JUP: variants seen among roughly 807,000 people sequenced by gnomAD.
JUP encodes the protein catenin (cadherin-associated protein), gamma 80kDa.
A neutral mutation model predicts 71.1 loss-of-function variants in JUP; 28 were observed. The observed-to-expected ratio is 0.39, with a 90% CI of 0.29 to 0.54. The LOEUF is 0.54. Among genes scored for constraint, JUP ranks in the 20% least tolerant of loss-of-function variants. The probability of loss-of-function intolerance (pLI) is 0.62; values close to 1 mark genes in which losing one functional copy is unlikely to be tolerated. For synonymous variants in JUP, 401 were observed against 438.9 expected (o/e 0.91, Z 1.08); for missense variants, 869 against 1,030.1 (o/e 0.84, Z 2.14).
At chr17:41,758,990 C>T (rs1455747978) in intron 8 of JUP, 120 bp from the exon 9 acceptor site, 1 of 1,023,634 alleles carries the variant, frequency 9.8e-7, no homozygotes, top group Non-Finnish European at 1.4e-6. Context: ...CAGACACAGA[C>T]ATACTGGAAA....
intron 1 of JUP, chr17:41,772,357 A>T (rs1275814771): frequency 7.8e-6 from 2 of 256,284 alleles, no homozygotes; most frequent in Non-Finnish European, 1.5e-5. Flanking sequence ...GGGGCAGGGA[A>T]GCGGTCTGAC....
intron 3 of JUP, 27 bp downstream of exon 3, chr17:41,769,391 C>T (rs1555605590): frequency 1.2e-6 from 2 of 1,600,922 alleles, no homozygotes; most frequent in Non-Finnish European, 1.7e-6. Context: ...CTGCCCAGCC[C>T]CCACCCTAGC....
intron 8 of JUP, among the ~76,000 whole-genome samples, chr17:41,761,342 G>A (rs1914776858): frequency 1.3e-5 from 2 of 152,190 alleles, no homozygotes; most frequent in African/African-American, 2.4e-5. Flanking sequence ...TCTGGGGTGT[G>A]AGCAGGAGTG....
chr17:41,754,902 A>C lies in JUP; in HGVS notation c.*842T>G, dbSNP rs1174509796. 1 of 159,522 alleles carries C rather than the reference A, an allele frequency of 6.3e-6. No individual in the cohort carries two copies. Among genetic ancestry groups the C allele is most frequent in the African/African-American group, 2.4e-5 (1 of 41,740 alleles). The allele number at this position is 159,522 out of a possible 1,614,324, so 9.9% of individuals were successfully genotyped here. On this transcript the variant is annotated 3_prime_UTR_variant, in exon 14 of 14. Coordinates refer to ENST00000393931, the MANE Select transcript of JUP (RefSeq NM_002230.4). Reference sequence around the variant, plus strand: ...GGGGAGTGAGGGGTGGGCAAAGCCAACTAAGCACCCTGGAGAGAGAAGCTG... The same window carrying C: ...GGGGAGTGAGGGGTGGGCAAAGCCACCTAAGCACCCTGGAGAGAGAAGCTG...
At chr17:41,758,034 G>C in intron 10 of JUP, 1 of 561,702 alleles carries the variant, frequency 1.8e-6, no homozygotes. Flanking sequence ...TGATGTGAAA[G>C]ATGTTAGACT....
intron 1 of JUP, among the ~76,000 whole-genome samples, chr17:41,783,673 C>A (rs142188526): frequency 3.5e-3 from 533 of 151,980 alleles, no homozygotes; most frequent in Middle Eastern, 0.01. Flanking sequence ...GTAATCCCAG[C>A]ACTTTGGGAG....
intron 2 of JUP, 38 bp downstream of exon 2, chr17:41,771,609 G>GTTTTC (rs1916657439): frequency 6.3e-7 from 1 of 1,596,612 alleles, no homozygotes; most frequent in Admixed American, 1.7e-5. Flanking sequence ...ACCCAGGCAG[G>GTTTTC]TTTTCTGCCC....
chr17:41,772,474 C>T (rs995099309), intron 1 of JUP, among the ~76,000 whole-genome samples: 1 of 152,152 alleles, frequency 6.6e-6, no homozygotes, highest in African/African-American at 2.4e-5. Context: ...CTAAGGCCCC[C>T]TCTCTCCCAG....
intron 1 of JUP, among the ~76,000 whole-genome samples, chr17:41,777,524 C>A (rs1448802532): frequency 6.6e-6 from 1 of 152,232 alleles, no homozygotes; most frequent in Admixed American, 6.5e-5. Flanking sequence ...AGCTCCAGGA[C>A]GGAACCTCCT....
At chr17:41,772,189 GC>G (rs1440163291) in intron 1 of JUP, 15 of 432,638 alleles carry the variant, frequency 3.5e-5, no homozygotes, top group Middle Eastern at 1.4e-3. Context: ...CCCTGCTCAC[GC>G]ACCTTGCTGC....
chr17:41,755,548 G>T lies in JUP; in HGVS notation c.*196C>A. Reference sequence around the variant, plus strand: ...CCCCCAGAAGGGGCCAGCAGGAATAGGCCTCCCCATCCCCACCAAAGACAC... The same window carrying T: ...CCCCCAGAAGGGGCCAGCAGGAATATGCCTCCCCATCCCCACCAAAGACAC... On this transcript the variant is annotated 3_prime_UTR_variant, in exon 14 of 14. Coordinates refer to ENST00000393931, the MANE Select transcript of JUP (RefSeq NM_002230.4). The T allele has an allele frequency of 2.0e-6, 1 of 510,938 alleles. No homozygotes were observed. The highest frequency in any genetic ancestry group is 3.3e-6 in the Non-Finnish European group (1 of 301,738). The allele number at this position is 510,938 out of a possible 1,614,324, so 31.7% of individuals were successfully genotyped here. A position where few individuals can be genotyped will look rare whatever the true frequency, so the allele number is the denominator to read the frequency against.
At chr17:41,784,418 C>A (rs888366787) in intron 1 of JUP, among the ~76,000 whole-genome samples, 1 of 152,114 alleles carries the variant, frequency 6.6e-6, no homozygotes, top group East Asian at 1.9e-4. Flanking sequence ...ATCCCCCAGT[C>A]CAGTCAGTGG....
At chr17:41,757,585 A>T in intron 11 of JUP, 49 bp from the exon 12 acceptor site, 2 of 1,614,158 alleles carry the variant, frequency 1.2e-6, no homozygotes, top group Non-Finnish European at 1.7e-6. Flanking sequence ...GCCAGCCTCC[A>T]TCGTGGCTGG....
intron 2 of JUP, 41 bp downstream of exon 2, chr17:41,771,606 C>T (rs1916657027): frequency 6.3e-7 from 1 of 1,580,624 alleles, no homozygotes; most frequent in East Asian, 2.3e-5. Context: ...AGGACCCAGG[C>T]AGGTTTTCTG....
At chr17:41,756,940 G>A (rs1288889015) in intron 12 of JUP, among the ~76,000 whole-genome samples, 1 of 152,144 alleles carries the variant, frequency 6.6e-6, no homozygotes, top group African/African-American at 2.4e-5. Context: ...GAGGGGGCTG[G>A]AGAAAAGCAA....
At chr17:41,771,601 C>A (rs1442041926) in intron 2 of JUP, 46 bp downstream of exon 2, 1 of 1,568,582 alleles carries the variant, frequency 6.4e-7, no homozygotes, top group Admixed American at 1.7e-5. Context: ...TCTCCAGGAC[C>A]CAGGCAGGTT....
At chr17:41,756,235 A>C (rs1913713354) in intron 12 of JUP, 21 bp from the exon 13 acceptor site, 2 of 1,612,340 alleles carry the variant, frequency 1.2e-6, no homozygotes, top group East Asian at 2.2e-5. Context: ...AGAGAGAAAC[A>C]TGGAGGGGAG....
Position 41,768,987 on chromosome 17 carries a change from G to T in JUP, c.689C>A (p.Ala230Asp). 6.2e-7 allele frequency: 1 copy of T among 1,607,338 alleles called. No individual in the cohort carries two copies. Residue 230 changes from alanine to aspartate, a missense_variant, in exon 4 of 14, where the codon GCT becomes GAT. Physicochemically the swap from Ala to Asp is moderately radical, Grantham distance 126 (BLOSUM62 -2). Coordinates refer to ENST00000393931, the MANE Select transcript of JUP (RefSeq NM_002230.4). ...LAIFKSGGIP[A>D]LVRMLSSPVE... ...TGGGTACCTGAGCATGCGGACCAGA[G>T]CAGGGATGCCACCCGACTTGAAGAT...
At chr17:41,782,557 C>G (rs1179121530) in intron 1 of JUP, among the ~76,000 whole-genome samples, 1 of 152,062 alleles carries the variant, frequency 6.6e-6, no homozygotes, top group Non-Finnish European at 1.5e-5. Context: ...TAGGAGGCAG[C>G]ACAGCTTTGA....
Sources: allele counts gnomAD v4.1 joint callset (sites outside exome capture counted in the v4.1 genomes callset), GRCh38; gene constraint gnomAD v4.1.1; transcripts MANE v1.5; gene names NCBI Gene and HGNC (gene_info 2026-07-23, HGNC 2026-07-21).